MALRD1: variants seen among roughly 807,000 people sequenced by gnomAD.
MALRD1 encodes MAM and LDL-receptor class A domain-containing protein 1.
Under a neutral mutation model 242.1 loss-of-function variants are expected in MALRD1, and 247 were observed. That is an observed-to-expected ratio of 1.02 (90% CI 0.92 to 1.13). The LOEUF (loss-of-function observed/expected upper bound fraction) is 1.13. MALRD1 is among the 50% of genes most tolerant of loss of function. The pLI is 0.00. For missense variants in MALRD1, 2,989 were observed against 2,533.1 expected, an observed-to-expected ratio of 1.18 and a Z score of -3.86; for synonymous variants, 995 against 866.6, an observed-to-expected ratio of 1.15 and a Z score of -2.60.
At chr10:19,465,735 T>C (rs904352411) in intron 29 of MALRD1, among the ~76,000 whole-genome samples, 1 of 152,168 alleles carries the variant, frequency 6.6e-6, no homozygotes, top group African/African-American at 2.4e-5. Flanking sequence ...GATTTAGCCA[T>C]GCTGCCCATG....
intron 26 of MALRD1, among the ~76,000 whole-genome samples, chr10:19,384,592 TATATA>T (rs1370570468): frequency 2.4e-5 from 3 of 126,962 alleles, no homozygotes; most frequent in South Asian, 4.3e-4. Context: ...TACTATATAT[TATATA>T]ATATATAGTA....
chr10:19,180,946 G>A (rs1835475935), intron 14 of MALRD1, among the ~76,000 whole-genome samples: 1 of 152,132 alleles, frequency 6.6e-6, no homozygotes, highest in African/African-American at 2.4e-5. Flanking sequence ...TAATCAACTG[G>A]TATATGAACA....
At chr10:19,179,599 CAG>C (rs1391262552) in intron 14 of MALRD1, among the ~76,000 whole-genome samples, 3 of 151,908 alleles carry the variant, frequency 2.0e-5, no homozygotes, top group Middle Eastern at 3.2e-3. Context: ...GCCTGGGTGA[CAG>C]AGAGAGACCC....
At chr10:19,490,022 A>G (rs1837412228) in intron 29 of MALRD1, among the ~76,000 whole-genome samples, 1 of 152,194 alleles carries the variant, frequency 6.6e-6, no homozygotes. Context: ...ATGTGAAGAT[A>G]CTGGTACTTG....
At chr10:19,119,896 A>G (rs1390899250) in intron 5 of MALRD1, among the ~76,000 whole-genome samples, 2 of 152,174 alleles carry the variant, frequency 1.3e-5, no homozygotes, top group Non-Finnish European at 1.5e-5. Context: ...TAGAAGCAAG[A>G]TGGAGTCGAT....
At chr10:19,548,335 T>G (rs1835334798) in intron 32 of MALRD1, among the ~76,000 whole-genome samples, 1 of 152,116 alleles carries the variant, frequency 6.6e-6, no homozygotes, top group South Asian at 2.1e-4. Flanking sequence ...AGATTTTCTT[T>G]TTTCTTTCTT....
intron 33 of MALRD1, among the ~76,000 whole-genome samples, chr10:19,573,447 A>C (rs1836658896): frequency 6.6e-6 from 1 of 152,194 alleles, no homozygotes; most frequent in Admixed American, 6.5e-5. Flanking sequence ...ATGGAAGCCC[A>C]GTGGAGCAGA....
intron 26 of MALRD1, among the ~76,000 whole-genome samples, chr10:19,368,737 A>C (rs996166738): frequency 5.3e-5 from 8 of 151,702 alleles, no homozygotes; most frequent in Admixed American, 6.6e-5. Flanking sequence ...AATTCTGCTC[A>C]GTGATCATGG....
intron 18 of MALRD1, among the ~76,000 whole-genome samples, chr10:19,228,189 C>T (rs777224950): frequency 6.6e-6 from 1 of 152,024 alleles, no homozygotes; most frequent in Non-Finnish European, 1.5e-5. Flanking sequence ...ATGGATAAAC[C>T]AGTTGTATAT....
intron 18 of MALRD1, among the ~76,000 whole-genome samples, chr10:19,254,327 A>T (rs1254117729): frequency 6.6e-6 from 1 of 152,030 alleles, no homozygotes; most frequent in Non-Finnish European, 1.5e-5. Flanking sequence ...TTGTATGAAT[A>T]TACTGCAATT....
chr10:19,506,469 A>T (rs923522106), intron 31 of MALRD1, among the ~76,000 whole-genome samples: 3 of 152,114 alleles, frequency 2.0e-5, no homozygotes, highest in Non-Finnish European at 4.4e-5. Flanking sequence ...TATCAATCAG[A>T]TGCACCTGTA....
At chr10:19,473,069 C>T (rs1210233775) in intron 29 of MALRD1, among the ~76,000 whole-genome samples, 4 of 149,126 alleles carry the variant, frequency 2.7e-5, no homozygotes, top group African/African-American at 9.8e-5. Flanking sequence ...TTTTGGCATC[C>T]AAAGCTTGTT....
chr10:19,215,797 ATATT>A (rs1259792860), intron 18 of MALRD1, among the ~76,000 whole-genome samples: 2 of 51,958 alleles, frequency 3.8e-5, no homozygotes, highest in Non-Finnish European at 1.1e-4. Flanking sequence ...AATAAATAGT[ATATT>A]TATTTATATA....
At chr10:19,057,534 A>G (rs948767227) in intron 1 of MALRD1, among the ~76,000 whole-genome samples, 15 of 152,328 alleles carry the variant, frequency 9.8e-5, no homozygotes, top group Non-Finnish European at 1.8e-4. Flanking sequence ...TTGAGGGGAC[A>G]CACACATTCA....
chr10:19,476,183 A>G (rs1490177075), intron 29 of MALRD1, among the ~76,000 whole-genome samples: 1 of 152,134 alleles, frequency 6.6e-6, no homozygotes, highest in East Asian at 1.9e-4. Flanking sequence ...TCTCAGCAGT[A>G]GGTGTTTACG....
At chr10:19,430,408 C>T (rs1415375594) in intron 28 of MALRD1, among the ~76,000 whole-genome samples, 1 of 151,990 alleles carries the variant, frequency 6.6e-6, no homozygotes, top group East Asian at 1.9e-4. Context: ...AGCCACCATG[C>T]CCCGGCCTCC....
intron 6 of MALRD1, 150 bp from the exon 7 acceptor site, chr10:19,124,374 G>T (rs541065237): frequency 1.0e-5 from 7 of 678,656 alleles, no homozygotes; most frequent in South Asian, 8.0e-5. Context: ...ACACTCGAAG[G>T]CTTATTGAAT....
chr10:19,225,704 G>T (rs192878921), intron 18 of MALRD1, among the ~76,000 whole-genome samples: 1 of 152,148 alleles, frequency 6.6e-6, no homozygotes, highest in African/African-American at 2.4e-5. Flanking sequence ...CCCTTCTAAA[G>T]CCATGAAAGC....
intron 28 of MALRD1, among the ~76,000 whole-genome samples, chr10:19,393,345 T>A (rs1298341395): frequency 1.3e-5 from 2 of 151,486 alleles, no homozygotes; most frequent in Non-Finnish European, 2.9e-5. Flanking sequence ...TACTCAAGAG[T>A]AGAAAATGGG....
Sources: gnomAD v4.1 joint callset for allele counts (sites outside exome capture counted in the v4.1 genomes callset) on GRCh38, gnomAD v4.1.1 for gene constraint, MANE v1.5 for transcripts, NCBI Gene and HGNC (gene_info 2026-07-23, HGNC 2026-07-21) for gene names.